Variants in PRH1 observed in about 807,000 individuals in gnomAD.
The protein encoded by PRH1 is salivary acidic proline-rich phosphoprotein 1/2.
A neutral mutation model predicts 7.9 loss-of-function variants in PRH1; 7 were observed. That is an observed-to-expected ratio of 0.89 (90% CI 0.50 to 1.67). The LOEUF (loss-of-function observed/expected upper bound fraction) is 1.67, where lower values mean the gene tolerates loss of function less well. Among genes scored for constraint, PRH1 ranks in the 40% most tolerant of loss-of-function variants. The pLI, the probability that PRH1 is intolerant of heterozygous loss-of-function variation, is 0.00. For missense variants in PRH1, 109 were observed against 223.6 expected (o/e 0.49, Z 3.27); for synonymous variants, 45 against 80.8 (o/e 0.56, Z 2.38).
At chr12:10,961,393 G>C (rs1351223420) in intron 2 of PRH1, among the ~76,000 whole-genome samples, 1 of 151,000 alleles carries the variant, frequency 6.6e-6, no homozygotes, top group Non-Finnish European at 1.5e-5. Flanking sequence ...TGCTAATACA[G>C]CATGCAACAG....
At position 11,126,227 on chromosome 12, in the gene PRH1, C is replaced by T. The variant is rs1946123756; in HGVS notation, n.40-5047G>A. Among the ~76,000 whole-genome samples the T allele has an allele frequency of 3.3e-5, 5 of 152,252 alleles. No homozygotes were observed. In the South Asian group the frequency reaches 1.0e-3, roughly 32 times the overall value. ...TGTTGATATCATTTCCCTTTTGTTT[C>T]CTCCGTCCCTACTGTGCCAGTTGTT... On this transcript the variant is annotated intron_variant and non_coding_transcript_variant, in intron 1 of 1. Coordinates refer to the PRH1 transcript ENST00000541175.
intron 1 of PRH1, among the ~76,000 whole-genome samples, chr12:11,017,980 C>T (rs201352379): frequency 0.056 from 5,957 of 106,432 alleles, no homozygotes; most frequent in East Asian, 0.32. Flanking sequence ...CTGCCAAAAC[C>T]AGATGGGTTA....
At chr12:10,908,427 G>T (rs780590154) in intron 2 of PRH1, 2 of 1,613,400 alleles carry the variant, frequency 1.2e-6, no homozygotes, top group Non-Finnish European at 1.7e-6. Context: ...CAAAAGAAAG[G>T]CCTGTCTTAA....
intron 1 of PRH1, among the ~76,000 whole-genome samples, chr12:11,146,340 T>A (rs377193190): frequency 6.6e-6 from 1 of 152,180 alleles, no homozygotes; most frequent in East Asian, 1.9e-4. Context: ...AGAAAAAAAA[T>A]GGCAATATTT....
downstream of PRH1, among the ~76,000 whole-genome samples, chr12:11,116,428 AAAAC>A (rs1446278021): frequency 1.3e-5 from 2 of 152,028 alleles, no homozygotes; most frequent in African/African-American, 4.8e-5. Context: ...AAAACAAAAC[AAAAC>A]AAACAAAAAA....
intron 1 of PRH1, among the ~76,000 whole-genome samples, chr12:11,084,543 A>G (rs1000474499): frequency 6.7e-6 from 1 of 149,414 alleles, no homozygotes; most frequent in African/African-American, 2.5e-5. Context: ...GCTCTGATTT[A>G]CAATTCTAGG....
chr12:11,113,291 T>C (rs1945641949), intron 1 of PRH1, among the ~76,000 whole-genome samples: 1 of 152,162 alleles, frequency 6.6e-6, no homozygotes, highest in Admixed American at 6.5e-5. Flanking sequence ...GCAGGAGGCA[T>C]CACACTACCT....
chr12:11,071,330 A>G (rs1944058189), intron 1 of PRH1, among the ~76,000 whole-genome samples: 1 of 152,112 alleles, frequency 6.6e-6, no homozygotes, highest in African/African-American at 2.4e-5. Flanking sequence ...GGCAGGTGCC[A>G]ATTCAACTAT....
At chr12:11,009,496 C>T in intron 1 of PRH1, among the ~76,000 whole-genome samples, 1 of 151,850 alleles carries the variant, frequency 6.6e-6, no homozygotes, top group South Asian at 2.1e-4. Context: ...ATCTCTAATC[C>T]TCCAGAACTC....
At chr12:11,021,977 T>G (rs199639701) in intron 1 of PRH1, 1 of 1,572,658 alleles carries the variant, frequency 6.4e-7, no homozygotes, top group Non-Finnish European at 8.6e-7. Flanking sequence ...AGAGAACAGA[T>G]TAACAGCAGA....
intron 1 of PRH1, among the ~76,000 whole-genome samples, chr12:11,167,370 T>A (rs1947611764): frequency 6.6e-6 from 1 of 152,046 alleles, no homozygotes; most frequent in Admixed American, 6.5e-5. Context: ...TGTTACCTAC[T>A]GAAATGCCAG....
Position 10,961,815 on chromosome 12 carries a change from C to A in PRH1, c.-59+11840G>T, listed in dbSNP as rs1938247636. ...TACATTCTCCCTCCTCTCTCGCTTC[C>A]ATGGACTAATGCTGGCTGTGGTATT... On this transcript the variant is annotated intron_variant, in intron 2 of 3. Transcript: ENST00000539853. 2.0e-5 allele frequency among the ~76,000 whole-genome samples: 3 copies of A among 152,312 alleles called. No homozygotes were observed. The South Asian group carries it at 6.2e-4, about 32-fold the overall frequency.
At chr12:11,119,244 T>C (rs1201083054), downstream of PRH1, among the ~76,000 whole-genome samples, 1 of 151,218 alleles carries the variant, frequency 6.6e-6, no homozygotes, top group Non-Finnish European at 1.5e-5. Context: ...ACATAGAGAG[T>C]ACATAGATGG....
At chr12:11,168,448 A>G (rs1404387906) in intron 1 of PRH1, among the ~76,000 whole-genome samples, 6 of 151,686 alleles carry the variant, frequency 4.0e-5, no homozygotes, top group Admixed American at 3.9e-4. Context: ...AAAAAGAAAG[A>G]AAGAAAGAGA....
At chr12:10,967,102 A>AAG (rs1030409904) in intron 2 of PRH1, among the ~76,000 whole-genome samples, 1 of 141,036 alleles carries the variant, frequency 7.1e-6, no homozygotes, top group African/African-American at 2.6e-5. Flanking sequence ...GCGACAGAGC[A>AAG]AGACTCCGTC....
chr12:11,074,321 G>A (rs1259183704), intron 1 of PRH1, among the ~76,000 whole-genome samples: 1 of 151,810 alleles, frequency 6.6e-6, no homozygotes. Context: ...CACCTTTGGA[G>A]CAGAAAGTGG....
At chr12:11,170,381 C>T (rs964444329) in intron 1 of PRH1, among the ~76,000 whole-genome samples, 2 of 151,986 alleles carry the variant, frequency 1.3e-5, no homozygotes, top group Non-Finnish European at 2.9e-5. Flanking sequence ...CCCATCTCTA[C>T]CAAAAAATAC....
intron 1 of PRH1, chr12:11,134,163 C>T (rs1178773603): frequency 6.2e-6 from 10 of 1,613,974 alleles, no homozygotes; most frequent in Admixed American, 1.7e-5. Context: ...TTTACCAATG[C>T]TATGAAGCCA....
rs1945069718 is a variant in PRH1, at chr12:11,096,401, T to C, written n.124-49213A>G. On this transcript the variant is annotated intron_variant and non_coding_transcript_variant, in intron 1 of 4. Transcript: ENST00000541977. ...TGTTTTAGAGGTAGAAATGAACTTT[T>C]TGTTCTCCTTATATAAATCGTTTTC... Among the ~76,000 whole-genome samples the C allele has an allele frequency of 1.7e-5, 2 of 116,476 alleles. 1 individual carries two copies. Among genetic ancestry groups the C allele is most frequent in the African/African-American group, 5.8e-5 (2 of 34,766 alleles). The allele number at this position is 116,476 out of a possible 152,430, so 76.4% of individuals were successfully genotyped here. A position where few individuals can be genotyped will look rare whatever the true frequency, so the allele number is the denominator to read the frequency against.
Sources: allele counts gnomAD v4.1 joint callset (sites outside exome capture counted in the v4.1 genomes callset), GRCh38; gene constraint gnomAD v4.1.1; transcripts MANE v1.5; gene names NCBI Gene and HGNC (gene_info 2026-07-23, HGNC 2026-07-21).